Variants in FGGY observed in about 807,000 individuals in gnomAD.
The protein encoded by FGGY is FGGY carbohydrate kinase domain containing.
In FGGY, 72 loss-of-function variants were observed where a neutral mutation model predicts 71.3. The observed-to-expected ratio is 1.01, with a 90% CI of 0.84 to 1.23. The LOEUF (loss-of-function observed/expected upper bound fraction) is 1.23. Ranked by LOEUF, FGGY falls within the 50% of genes most tolerant of loss-of-function variation. The pLI is 0.00. For synonymous variants in FGGY, 251 were observed against 250.3 expected (o/e 1.00, Z -0.02); for missense variants, 668 against 682.3 (o/e 0.98, Z 0.23).
chr1:59,608,045 A>G (rs968016449), intron 9 of FGGY, 135 bp downstream of exon 9: 9 of 649,610 alleles, frequency 1.4e-5, no homozygotes, highest in Non-Finnish European at 2.7e-6. Flanking sequence ...CTCTTAGTGC[A>G]CAGCCTAACA....
At chr1:59,414,556 T>A (rs1179732595) in intron 5 of FGGY, among the ~76,000 whole-genome samples, 1 of 152,172 alleles carries the variant, frequency 6.6e-6, no homozygotes, top group Non-Finnish European at 1.5e-5. Flanking sequence ...TGTCAGTGTA[T>A]CAGCCATGGA....
At chr1:59,641,383 C>T (rs775532127) in intron 11 of FGGY, 5 of 1,553,404 alleles carry the variant, frequency 3.2e-6, no homozygotes, top group Non-Finnish European at 4.4e-6. Flanking sequence ...TAAACATTTA[C>T]CCATTCACTG....
intron 5 of FGGY, among the ~76,000 whole-genome samples, chr1:59,388,430 A>G (rs894194576): frequency 1.4e-4 from 21 of 152,088 alleles, no homozygotes; most frequent in African/African-American, 4.6e-4. Flanking sequence ...TGCAAAGTCA[A>G]CTCTGTGTCT....
intron 8 of FGGY, among the ~76,000 whole-genome samples, chr1:59,568,007 G>T (rs1301207722): frequency 6.6e-6 from 1 of 151,944 alleles, no homozygotes; most frequent in Non-Finnish European, 1.5e-5. Context: ...TATGGAACCA[G>T]AGATGTTTGA....
At chr1:59,341,925 A>C (rs1339336044) in intron 3 of FGGY, among the ~76,000 whole-genome samples, 3 of 152,132 alleles carry the variant, frequency 2.0e-5, no homozygotes, top group Non-Finnish European at 4.4e-5. Flanking sequence ...GCTAGAAATC[A>C]CCGTCCCAGA....
At chr1:59,547,236 C>T (rs976549254) in intron 7 of FGGY, among the ~76,000 whole-genome samples, 3 of 152,150 alleles carry the variant, frequency 2.0e-5, no homozygotes, top group Non-Finnish European at 4.4e-5. Context: ...CGGGCATAAG[C>T]CACCATGCCC....
intron 8 of FGGY, among the ~76,000 whole-genome samples, chr1:59,589,399 A>T (rs1333705381): frequency 1.3e-5 from 2 of 152,174 alleles, no homozygotes; most frequent in African/African-American, 4.8e-5. Flanking sequence ...GTTAACAAGG[A>T]TACCCAGGAA....
intron 10 of FGGY, among the ~76,000 whole-genome samples, chr1:59,630,971 G>C (rs989948670): frequency 6.6e-6 from 1 of 152,122 alleles, no homozygotes; most frequent in Non-Finnish European, 1.5e-5. Flanking sequence ...GCCCACTGCA[G>C]TTTGAATTCT....
chr1:59,503,787 T>C (rs1458821626), intron 6 of FGGY, among the ~76,000 whole-genome samples: 1 of 151,406 alleles, frequency 6.6e-6, no homozygotes, highest in Non-Finnish European at 1.5e-5. Flanking sequence ...TATATATAGG[T>C]TTTTGCCCAT....
At chr1:59,445,922 G>C (rs976991254) in intron 5 of FGGY, among the ~76,000 whole-genome samples, 5 of 152,104 alleles carry the variant, frequency 3.3e-5, no homozygotes, top group Admixed American at 6.6e-5. Flanking sequence ...TTGAACTTCT[G>C]TCCTGCTCTT....
At chr1:59,500,834 A>C (rs895749459) in intron 6 of FGGY, among the ~76,000 whole-genome samples, 4 of 152,220 alleles carry the variant, frequency 2.6e-5, no homozygotes, top group Non-Finnish European at 1.5e-5. Context: ...ATAAGCAATT[A>C]ATCCTGCCCT....
intron 5 of FGGY, among the ~76,000 whole-genome samples, chr1:59,441,910 A>C (rs1021671538): frequency 2.6e-5 from 4 of 152,182 alleles, no homozygotes; most frequent in African/African-American, 9.7e-5. Context: ...CCACTGCCTG[A>C]AATGTATCCT....
In FGGY at chr1:59,385,176, C is replaced by T. The variant is rs561022426; in HGVS notation, c.554+6339C>T. On this transcript the variant is annotated intron_variant, in intron 5 of 15. Transcript: ENST00000303721. ...TTCCTTCTCCATTTTCCTCTCCTCT[C>T]TTTCAGGTTTTGTTTTTGTTTTTTT... Among the ~76,000 whole-genome samples the T allele has an allele frequency of 2.2e-3, 337 of 152,172 alleles. 2 individuals carry two copies. The highest frequency in any genetic ancestry group is 3.4e-3 in the Middle Eastern group (1 of 294).
chr1:59,393,611 A>G (rs1045875550), intron 5 of FGGY, among the ~76,000 whole-genome samples: 3 of 150,668 alleles, frequency 2.0e-5, no homozygotes, highest in African/African-American at 7.3e-5. Flanking sequence ...TCTCTTACTT[A>G]CTTTGGCCCA....
intron 8 of FGGY, among the ~76,000 whole-genome samples, chr1:59,603,424 G>A (rs900889872): frequency 1.3e-5 from 2 of 152,174 alleles, no homozygotes; most frequent in African/African-American, 4.8e-5. Context: ...GCCTGTGGTT[G>A]TTCAGCCAGT....
intron 6 of FGGY, among the ~76,000 whole-genome samples, chr1:59,472,221 A>C (rs1476086634): frequency 6.6e-6 from 1 of 151,728 alleles, no homozygotes; most frequent in Non-Finnish European, 1.5e-5. Context: ...CCGCACTTGG[A>C]GCGGTCGGCC....
In FGGY at chr1:59,339,958, A is replaced by G. The variant is rs866400634; in HGVS notation, c.202A>G (p.Lys68Glu). ...IWAACCVVTK[K>E]VVQGIDLNQI... is the part of the protein sequence containing the mutation. ...ATGTTTTTATTTGTTTTTAAAACAG[A>G]AAGTTGTACAAGGGATTGATTTAAA... Residue 68 changes from lysine (K) to glutamate (E), a missense_variant and splice_region_variant, in exon 3 of 16, where the codon AAA becomes GAA. Coordinates refer to ENST00000303721, the MANE Select transcript of FGGY (RefSeq NM_018291.5). The G allele has an allele frequency of 4.4e-6, 7 of 1,596,044 alleles. No individual in the cohort carries two copies. The Admixed American group carries it at 8.5e-5, about 19-fold the overall frequency.
At chr1:59,652,989 C>A (rs912872074) in intron 11 of FGGY, among the ~76,000 whole-genome samples, 1 of 151,996 alleles carries the variant, frequency 6.6e-6, no homozygotes, top group Non-Finnish European at 1.5e-5. Context: ...CCCTCAGCTG[C>A]AGGTCTGTTG....
intron 14 of FGGY, among the ~76,000 whole-genome samples, chr1:59,741,328 T>C (rs2098145318): frequency 6.6e-6 from 1 of 152,114 alleles, no homozygotes; most frequent in African/African-American, 2.4e-5. Context: ...TGGTACCACA[T>C]AGTGAGTTCT....
Sources: gnomAD v4.1 joint callset for allele counts (sites outside exome capture counted in the v4.1 genomes callset) on GRCh38, gnomAD v4.1.1 for gene constraint, MANE v1.5 for transcripts, NCBI Gene and HGNC (gene_info 2026-07-23, HGNC 2026-07-21) for gene names.